Variants in ZFP90 observed in about 807,000 individuals in gnomAD.
ZFP90 encodes the protein zinc finger protein 90 homolog.
A neutral mutation model predicts 60.8 loss-of-function variants in ZFP90; 38 were observed. The ratio of observed to expected loss-of-function variants is 0.62; its 90% CI spans 0.48 to 0.82. ZFP90 has a LOEUF of 0.82. ZFP90 is among the 40% of genes least tolerant of loss of function. The pLI is 0.00. For synonymous variants in ZFP90, 287 were observed against 264.8 expected (o/e 1.08, Z -0.82); for missense variants, 711 against 759.1 (o/e 0.94, Z 0.74).
At position 68,564,500 on chromosome 16, in the gene ZFP90, TGA is replaced by T. The variant is rs1432684747; in HGVS notation, c.1718_1719del (p.Arg573AsnfsTer9). 6.2e-7 allele frequency: 1 copy of T among 1,614,004 alleles called. No homozygotes were observed. The highest frequency in any genetic ancestry group is 8.5e-7 in the Non-Finnish European group (1 of 1,179,950). ...GTCAAAGTTCATCTCTCATTCAGCATGAGAGAACTCATACTGGAGAGAAGCCC... is the reference window on the plus strand; with the variant it reads ...GTCAAAGTTCATCTCTCATTCAGCATGAGAACTCATACTGGAGAGAAGCCC... ...FSQSSSLIQHERTHTGEKPYE... is the reference protein window; with the variant it reads ...FSQSSSLIQHXRTHTGEKPYE... On this transcript the variant is annotated frameshift_variant, in exon 5 of 5. Coordinates refer to ENST00000563169, the MANE Select transcript of ZFP90 (RefSeq NM_001305203.2). LOFTEE classifies it high-confidence loss of function.
chr16:68,557,954 T>C, intron 2 of ZFP90, 44 bp from the exon 3 acceptor site: 1 of 1,610,952 alleles, frequency 6.2e-7, no homozygotes, highest in Non-Finnish European at 8.5e-7. Context: ...CCTTAGAACA[T>C]TTGTGGGGTT....
At chr16:68,535,688 CAA>C (rs2090955269), upstream of ZFP90, 1 of 151,992 alleles carries the variant, frequency 6.6e-6, no homozygotes, top group Non-Finnish European at 1.5e-5. Flanking sequence ...AAACAAAGCT[CAA>C]GTTTGCCTCA....
chr16:68,547,540 C>T (rs2091172118), intron 2 of ZFP90, among the ~76,000 whole-genome samples: 1 of 152,078 alleles, frequency 6.6e-6, no homozygotes, highest in Non-Finnish European at 1.5e-5. Context: ...CTTAGGACCT[C>T]TGTATTTGTT....
At chr16:68,543,495 A>G (rs1354345939) in intron 2 of ZFP90, among the ~76,000 whole-genome samples, 3 of 152,084 alleles carry the variant, frequency 2.0e-5, no homozygotes, top group African/African-American at 7.2e-5. Flanking sequence ...ACGTAGATAT[A>G]GCTGTGTATT....
At chr16:68,549,657 C>G (rs1019642668) in intron 2 of ZFP90, among the ~76,000 whole-genome samples, 3 of 127,226 alleles carry the variant, frequency 2.4e-5, no homozygotes, top group African/African-American at 6.3e-5. Context: ...CCAGCCTGGG[C>G]GACTGAGCAA....
chr16:68,534,634 A>G (rs56091007), upstream of ZFP90, among the ~76,000 whole-genome samples: 116,168 of 151,512 alleles, frequency 0.77, 44,603 homozygotes, highest in East Asian at 0.82. Flanking sequence ...AGCCGGGCAC[A>G]GTGGCTCACG....
At chr16:68,537,666 A>G (rs2090971582), upstream of ZFP90, among the ~76,000 whole-genome samples, 1 of 152,022 alleles carries the variant, frequency 6.6e-6, no homozygotes, top group South Asian at 2.1e-4. Context: ...CCCGGGTTCA[A>G]ACGATCTTCC....
chr16:68,555,600 A>C (rs142436341), intron 2 of ZFP90, among the ~76,000 whole-genome samples: 1 of 152,214 alleles, frequency 6.6e-6, no homozygotes, highest in East Asian at 1.9e-4. Context: ...AAACAACCAA[A>C]AGTATTATCC....
intron 4 of ZFP90, among the ~76,000 whole-genome samples, chr16:68,558,852 G>A (rs1056658807): frequency 1.2e-4 from 19 of 152,012 alleles, no homozygotes; most frequent in African/African-American, 1.9e-4. Flanking sequence ...TTGAACTCCC[G>A]TATCTCTTTG....
chr16:68,535,061 G>A (rs984785680), upstream of ZFP90, among the ~76,000 whole-genome samples: 1 of 152,106 alleles, frequency 6.6e-6, no homozygotes, highest in African/African-American at 2.4e-5. Flanking sequence ...CTTTGTGTTT[G>A]TGATTCATGG....
rs1307591500 is a variant in ZFP90 at position 68,539,763 on chromosome 16, G to A, written c.-30G>A. ...GCCCTGTCCTTTCTCCCCAGCTCCTGCCCCGGAGCCGGGCCCTGGCGAGGC... is the reference window on the plus strand; with the variant it reads ...GCCCTGTCCTTTCTCCCCAGCTCCTACCCCGGAGCCGGGCCCTGGCGAGGC... On this transcript the variant is annotated 5_prime_UTR_variant, in exon 2 of 5. Coordinates refer to ENST00000563169, the MANE Select transcript of ZFP90 (RefSeq NM_001305203.2). 2.5e-6 allele frequency: 4 copies of A among 1,569,178 alleles called. No individual in the cohort carries two copies. The African/African-American group carries it at 4.0e-5, about 16-fold the overall frequency.
chr16:68,534,621 G>T, upstream of ZFP90, among the ~76,000 whole-genome samples: 1 of 151,096 alleles, frequency 6.6e-6, no homozygotes, highest in East Asian at 2.0e-4. Context: ...ATAAATTTTT[G>T]ACAGCCGGGC....
rs561260644 is a variant in ZFP90, at chr16:68,547,922, G to T, written c.33+8097G>T. On this transcript the variant is annotated intron_variant, in intron 2 of 4. Transcript: ENST00000563169. ...AGCTCACTGCAACCTCTGCCTCCTG[G>T]GTTCAAGCGATTCTCCTGCCTCAGT... Among the ~76,000 whole-genome samples the T allele has an allele frequency of 4.0e-5, 6 of 151,140 alleles. No homozygotes were observed. The South Asian group carries it at 1.3e-3, about 32-fold the overall frequency.
chr16:68,570,692 G>A (rs1271127557), downstream of ZFP90, among the ~76,000 whole-genome samples: 1 of 152,106 alleles, frequency 6.6e-6, no homozygotes, highest in Non-Finnish European at 1.5e-5. Flanking sequence ...TATCCTGTTG[G>A]GACTGGAAAA....
chr16:68,547,304 C>G (rs539177905), intron 2 of ZFP90, among the ~76,000 whole-genome samples: 190 of 152,302 alleles, frequency 1.2e-3, no homozygotes, highest in African/African-American at 4.5e-3. Context: ...GCCATCCTAA[C>G]CAGTGTGAGG....
At chr16:68,542,555 C>G (rs1026159129) in intron 2 of ZFP90, among the ~76,000 whole-genome samples, 1 of 152,110 alleles carries the variant, frequency 6.6e-6, no homozygotes, top group Non-Finnish European at 1.5e-5. Context: ...CCTGCCACTG[C>G]ACTCCAGCCT....
rs1597749933 is a variant in ZFP90 at position 68,563,687 on chromosome 16, T to A, written c.900T>A (p.His300Gln). 6.2e-7 allele frequency: 1 copy of A among 1,614,114 alleles called. No homozygotes were observed. The highest frequency in any genetic ancestry group is 2.2e-5 in the East Asian group (1 of 44,872). Residue 300 changes from histidine (H) to glutamine (Q), a missense_variant, in exon 5 of 5, where the codon CAT becomes CAA. Coordinates refer to ENST00000563169, the MANE Select transcript of ZFP90 (RefSeq NM_001305203.2). ...AFRHSSSLGQ[H>Q]ENAHTGEKPY... ...GGCATAGCTCATCTCTTGGTCAGCA[T>A]GAGAATGCTCATACCGGAGAGAAAC...
At chr16:68,570,024 ATC>A (rs555120420), downstream of ZFP90, among the ~76,000 whole-genome samples, 224 of 137,444 alleles carry the variant, frequency 1.6e-3, no homozygotes, top group African/African-American at 6.0e-3. Flanking sequence ...TATTTTTCTC[ATC>A]TCAAATTATA....
At chr16:68,557,732 A>G (rs1002268990) in intron 2 of ZFP90, among the ~76,000 whole-genome samples, 1 of 150,936 alleles carries the variant, frequency 6.6e-6, no homozygotes, top group African/African-American at 2.4e-5. Flanking sequence ...GATTGTATAA[A>G]AAGGCTTGGC....
Sources: gnomAD v4.1 joint callset for allele counts (sites outside exome capture counted in the v4.1 genomes callset) on GRCh38, gnomAD v4.1.1 for gene constraint, MANE v1.5 for transcripts, NCBI Gene and HGNC (gene_info 2026-07-23, HGNC 2026-07-21) for gene names.